TMEM43: variants seen among roughly 807,000 people sequenced by gnomAD.
TMEM43 encodes arrhythmogenic right ventricular dysplasia 5.
A neutral mutation model predicts 49.6 loss-of-function variants in TMEM43; 45 were observed. That is an observed-to-expected ratio of 0.91 (90% CI 0.71 to 1.16). TMEM43 has a LOEUF of 1.16. Ranked by LOEUF, TMEM43 falls within the 50% of genes most tolerant of loss-of-function variation. The pLI, the probability that TMEM43 is intolerant of heterozygous loss-of-function variation, is 0.00. For synonymous variants in TMEM43, 199 were observed against 207.8 expected (o/e 0.96, Z 0.36); for missense variants, 532 against 516.6 (o/e 1.03, Z -0.29).
chr3:14,133,042 G>T (rs957839594), intron 6 of TMEM43, 107 bp downstream of exon 6: 6 of 1,000,120 alleles, frequency 6.0e-6, no homozygotes, highest in Admixed American at 1.9e-5. Context: ...TGCCTCGTGG[G>T]TTGAAAATGT....
rs143735210 is a variant in TMEM43, at chr3:14,134,832, G to A, written c.646G>A (p.Val216Met). The stretch of plus-strand genomic sequence containing the variant: ...CCTATCCAAGCTGGAGGACCCTCAT[G>A]TGGACATCATTCGCCGTGGAGACTT... ...LSLSKLEDPH[V>M]DIIRRGDFFY... The change falls in exon 8 of 12, where the codon GTG (valine) becomes ATG (methionine). Residue 216 changes from valine to methionine, a missense_variant. Physicochemically the swap from Val to Met is conservative, Grantham distance 21 (BLOSUM62 1). Transcript: ENST00000306077. The A allele has an allele frequency of 2.8e-5, 46 of 1,614,196 alleles. No individual in the cohort carries two copies. Among genetic ancestry groups the A allele is most frequent in the Non-Finnish European group, 3.6e-5 (42 of 1,180,032 alleles).
chr3:14,134,395 G>A (rs764648268), intron 7 of TMEM43, among the ~76,000 whole-genome samples: 22 of 152,188 alleles, frequency 1.4e-4, no homozygotes, highest in Non-Finnish European at 2.6e-4. Flanking sequence ...TGGCCTGGCC[G>A]CTTTCTGTGT....
At chr3:14,139,047 C>T (rs1426503909) in intron 10 of TMEM43, 133 bp from the exon 11 acceptor site, 3 of 731,310 alleles carry the variant, frequency 4.1e-6, no homozygotes, top group East Asian at 5.0e-5. Flanking sequence ...AGGAGGCTTG[C>T]CCCCACTCCG....
At chr3:14,137,097 A>G (rs1348552381) in intron 10 of TMEM43, 2 of 138,810 alleles carry the variant, frequency 1.4e-5, no homozygotes, top group African/African-American at 5.2e-5. Flanking sequence ...TGTTCCTATT[A>G]TTAGATCCTC....
rs923816409 is a variant in TMEM43 at position 14,134,960 on chromosome 3, C to A, written c.705+69C>A. The A allele has an allele frequency of 2.5e-6, 4 of 1,607,646 alleles. No individual in the cohort carries two copies. The Admixed American group carries it at 5.0e-5, about 20-fold the overall frequency. Reference sequence around the variant, plus strand: ...GCTAGGATCAGGTTCCTGCGCCAGGCAGATTCAGTTCAGTCGCATGCACAG... The same window carrying A: ...GCTAGGATCAGGTTCCTGCGCCAGGAAGATTCAGTTCAGTCGCATGCACAG... On this transcript the variant is annotated intron_variant, in intron 8 of 11. Transcript: ENST00000306077.
At chr3:14,139,807 A>G (rs902168658) in intron 11 of TMEM43, among the ~76,000 whole-genome samples, 1 of 152,196 alleles carries the variant, frequency 6.6e-6, no homozygotes, top group Non-Finnish European at 1.5e-5. Flanking sequence ...TTGGGCAGCC[A>G]GCAAGTCTGG....
Position 14,125,190 on chromosome 3 carries a change from C to T in TMEM43, c.-4C>T, listed in dbSNP as rs760598925. On this transcript the variant is annotated 5_prime_UTR_variant, in exon 1 of 12. Transcript: ENST00000306077. ...GAGGCGGCGGCAGCGAGCCGGGTCCCACCATGGCCGCGAATGTGAGTATCC... is the reference window on the plus strand; with the variant it reads ...GAGGCGGCGGCAGCGAGCCGGGTCCTACCATGGCCGCGAATGTGAGTATCC... 1.7e-5 allele frequency: 28 copies of T among 1,610,514 alleles called. No homozygotes were observed. The highest frequency in any genetic ancestry group is 1.7e-4 in the African/African-American group (13 of 74,920).
chr3:14,141,852 C>T lies in TMEM43; in HGVS notation c.*57C>T. On this transcript the variant is annotated 3_prime_UTR_variant, in exon 12 of 12. Transcript: ENST00000306077. ...GAGCCCTAGGATCCAGGTCCTCTCT[C>T]ACCTCTGACCCAGCTCCATGCCAGA... is the stretch of plus-strand genomic sequence containing the variant. 6.5e-7 allele frequency: 1 copy of T among 1,533,182 alleles called. No homozygotes were observed. Among genetic ancestry groups the T allele is most frequent in the South Asian group, 1.2e-5 (1 of 86,018 alleles). 95.0% of individuals were successfully genotyped at this position (1,533,182 alleles called of 1,614,324 possible).
At chr3:14,130,594 G>T (rs75811344) in intron 2 of TMEM43, among the ~76,000 whole-genome samples, 1 of 152,146 alleles carries the variant, frequency 6.6e-6, no homozygotes, top group Non-Finnish European at 1.5e-5. Flanking sequence ...GATTGGTGGG[G>T]GCTAGTGGGA....
chr3:14,141,458 C>G, intron 11 of TMEM43, 135 bp from the exon 12 acceptor site: 3 of 878,002 alleles, frequency 3.4e-6, no homozygotes, highest in Non-Finnish European at 5.5e-6. Context: ...AGCTCCTTGC[C>G]TTCCACCCAC....
chr3:14,140,258 C>T lies in TMEM43; in HGVS notation c.1000+961C>T, dbSNP rs570084728. ...CATTAGCGAGAGATGAGCATTTAAA[C>T]GGAATCCTCTTTCTTGCCTGTGTGA... is the stretch of plus-strand genomic sequence containing the variant. On this transcript the variant is annotated intron_variant, in intron 11 of 11. Transcript: ENST00000306077. Among the ~76,000 whole-genome samples, 20 of 152,268 alleles carry T rather than the reference C, an allele frequency of 1.3e-4. 2 individuals are homozygous for T. The East Asian group carries it at 3.1e-3, about 24-fold the overall frequency.
In TMEM43 at chr3:14,142,003, G is replaced by A. The variant is rs1183835926; in HGVS notation, c.*208G>A. 2 of 597,270 alleles carry A rather than the reference G, an allele frequency of 3.3e-6. No homozygotes were observed. Among genetic ancestry groups the A allele is most frequent in the Non-Finnish European group, 5.9e-6 (2 of 337,454 alleles). The allele number at this position is 597,270 out of a possible 1,614,324, so 37.0% of individuals were successfully genotyped here. A position where few individuals can be genotyped will look rare whatever the true frequency, so the allele number is the denominator to read the frequency against. On this transcript the variant is annotated 3_prime_UTR_variant, in exon 12 of 12. Transcript: ENST00000306077. ...TCCCCACATCTCTTCTTGCCAGTAA[G>A]CAGCTTTGGTGGGCAGCAGCAGCTC...
rs1312013932 is a variant in TMEM43, at chr3:14,132,609, C to T, written c.442+14C>T. The T allele has an allele frequency of 6.2e-7, 1 of 1,613,918 alleles. No homozygotes were observed. The highest frequency in any genetic ancestry group is 2.2e-5 in the East Asian group (1 of 44,870). On this transcript the variant is annotated intron_variant, in intron 5 of 11. Transcript: ENST00000306077. ...GGTATTCCTACAGTGAGTGCTGGGC[C>T]CCTTACGTGGTCTCTGCCCATGGTG... is the stretch of plus-strand genomic sequence containing the variant.
rs755018311 is a variant in TMEM43, at chr3:14,135,866, G to C, written c.840G>C (p.Gly280=). ...TAGTCCCATTCTCCACCAAGTCTGG[G>C]GATACCTTACTGCTCCTGCACCACG... ...DQLVPFSTKS[G]DTLLLLHHGD... The change falls in exon 10 of 12, where the codon GGG becomes GGC. Residue 280 remains glycine (G), a synonymous_variant. Coordinates refer to ENST00000306077, the MANE Select transcript of TMEM43 (RefSeq NM_024334.3). The C allele has an allele frequency of 1.2e-6, 2 of 1,614,200 alleles. No homozygotes were observed. The highest frequency in any genetic ancestry group is 4.5e-5 in the East Asian group (2 of 44,880).
At chr3:14,132,510 A>G in intron 4 of TMEM43, 36 bp from the exon 5 acceptor site, 1 of 1,613,244 alleles carries the variant, frequency 6.2e-7, no homozygotes, top group Non-Finnish European at 8.5e-7. Flanking sequence ...TGGGGCGACG[A>G]GGCTAACCCC....
In TMEM43 at chr3:14,143,441, C is replaced by G. The variant is rs1391529051; in HGVS notation, c.*1646C>G. ...CTGCTTATTACATGAGCAATTTCATCAAATCTCCAAACTCTTAAAGGATGC... is the reference window on the plus strand; with the variant it reads ...CTGCTTATTACATGAGCAATTTCATGAAATCTCCAAACTCTTAAAGGATGC... On this transcript the variant is annotated 3_prime_UTR_variant, in exon 12 of 12. Coordinates refer to ENST00000306077, the MANE Select transcript of TMEM43 (RefSeq NM_024334.3). 6.6e-6 allele frequency: 1 copy of G among 152,202 alleles called. No individual in the cohort carries two copies. The highest frequency in any genetic ancestry group is 1.5e-5 in the Non-Finnish European group (1 of 68,038). The allele number at this position is 152,202 out of a possible 1,614,324, so 9.4% of individuals were successfully genotyped here.
At chr3:14,140,704 A>G (rs576062213) in intron 11 of TMEM43, among the ~76,000 whole-genome samples, 1 of 152,214 alleles carries the variant, frequency 6.6e-6, no homozygotes, top group Non-Finnish European at 1.5e-5. Flanking sequence ...CCTACCTTAC[A>G]GGGTGGGCAT....
intron 4 of TMEM43, among the ~76,000 whole-genome samples, chr3:14,131,952 C>T (rs979524700): frequency 6.6e-6 from 1 of 152,176 alleles, no homozygotes; most frequent in African/African-American, 2.4e-5. Context: ...TGGAGCAGGC[C>T]TGAAACACTG....
In TMEM43 at chr3:14,128,787, G is replaced by A. The variant is rs902391139; in HGVS notation, c.13-625G>A. 5 of 290,932 alleles carry A rather than the reference G, an allele frequency of 1.7e-5. No individual in the cohort carries two copies. In the Admixed American group the frequency reaches 2.3e-4, roughly 13 times the overall value. The allele number at this position is 290,932 out of a possible 1,614,324, so 18.0% of individuals were successfully genotyped here. ...TTGTACTCCTAGGTATATTCCTACG[G>A]GAAATGAAAGCACATGTCTGCATAA... On this transcript the variant is annotated intron_variant, in intron 1 of 11. Transcript: ENST00000306077.
Sources: allele counts gnomAD v4.1 joint callset (sites outside exome capture counted in the v4.1 genomes callset), GRCh38; gene constraint gnomAD v4.1.1; transcripts MANE v1.5; gene names NCBI Gene and HGNC (gene_info 2026-07-23, HGNC 2026-07-21).